Variants in PLA2G7 observed in about 807,000 individuals in gnomAD.
PLA2G7 encodes the protein platelet-activating factor acetylhydrolase.
In PLA2G7, 63 loss-of-function variants were observed where a neutral mutation model predicts 49.6. The ratio of observed to expected loss-of-function variants is 1.27; its 90% CI spans 1.04 to 1.57. PLA2G7 has a LOEUF of 1.57. PLA2G7 is among the 40% of genes most tolerant of loss of function. PLA2G7 has a pLI of 0.00. For missense variants in PLA2G7, 596 were observed against 521.2 expected, an observed-to-expected ratio of 1.14 and a Z score of -1.40; for synonymous variants, 193 against 169.9, an observed-to-expected ratio of 1.14 and a Z score of -1.06.
chr6:46,707,969 G>T lies in PLA2G7; in HGVS notation c.1040+22C>A. 3 of 1,452,472 alleles carry T rather than the reference G, an allele frequency of 2.1e-6. No individual in the cohort carries two copies. In the South Asian group the frequency reaches 3.5e-5, roughly 17 times the overall value. 90.0% of individuals were successfully genotyped at this position (1,452,472 alleles called of 1,614,324 possible). ...AAGCTTCAAGTTTGTTTCACATAAT[G>T]AAATAAGTCACTAATACTTACCTGA... On this transcript the variant is annotated intron_variant, in intron 10 of 11. Transcript: ENST00000274793.
intron 1 of PLA2G7, among the ~76,000 whole-genome samples, chr6:46,727,841 A>T (rs1464968559): frequency 6.6e-6 from 1 of 152,216 alleles, no homozygotes; most frequent in South Asian, 2.1e-4. Context: ...AAGGAGACAG[A>T]TTCTCTCTAG....
intron 1 of PLA2G7, among the ~76,000 whole-genome samples, chr6:46,734,424 G>C (rs1222720766): frequency 1.5e-4 from 1 of 6,628 alleles, no homozygotes; most frequent in African/African-American, 9.2e-4. Flanking sequence ...GTGAGAGAGA[G>C]AGAGAGAGAG....
In PLA2G7 at chr6:46,722,009, A is replaced by T. The variant is rs552139203; in HGVS notation, c.109+774T>A. 2.0e-4 allele frequency among the ~76,000 whole-genome samples: 30 copies of T among 152,272 alleles called. No individual in the cohort carries two copies. In the South Asian group the frequency reaches 2.5e-3, roughly 13 times the overall value. On this transcript the variant is annotated intron_variant, in intron 2 of 11. Transcript: ENST00000274793. Reference sequence around the variant, plus strand: ...CTCTCCATAGGAGACTGGAAAGAGAAGTTTATGCATCACAATCCTCTGGGA... The same window carrying T: ...CTCTCCATAGGAGACTGGAAAGAGATGTTTATGCATCACAATCCTCTGGGA...
chr6:46,707,736 C>T (rs1764873733), intron 10 of PLA2G7, among the ~76,000 whole-genome samples: 2 of 152,142 alleles, frequency 1.3e-5, no homozygotes, highest in Non-Finnish European at 2.9e-5. Context: ...ATAAATTACC[C>T]AGTCTCAGGT....
chr6:46,710,633 G>T lies in PLA2G7; in HGVS notation c.689C>A (p.Ser230Tyr), dbSNP rs201934571. The T allele has an allele frequency of 3.9e-5, 63 of 1,612,862 alleles. No individual in the cohort carries two copies. The highest frequency in any genetic ancestry group is 5.3e-5 in the Non-Finnish European group (62 of 1,179,004). Residue 230 changes from serine to tyrosine, a missense_variant, in exon 8 of 12, where the codon TCC (serine) becomes TAC (tyrosine). Ser to Tyr is a moderately radical substitution (Grantham distance 144). Coordinates refer to ENST00000274793, the MANE Select transcript of PLA2G7 (RefSeq NM_005084.4). The part of the protein sequence containing the change: ...EQVRQRAKEC[S>Y]QALSLILDID... ...GTCAAGAATCAGACTGAGAGCTTGG[G>T]AACATTCTTTTGCTCTTTGCCGTAC...
At chr6:46,722,013 T>G (rs1230630430) in intron 2 of PLA2G7, among the ~76,000 whole-genome samples, 1 of 152,156 alleles carries the variant, frequency 6.6e-6, no homozygotes, top group African/African-American at 2.4e-5. Flanking sequence ...AAGAGAAGTT[T>G]ATGCATCACA....
intron 9 of PLA2G7, among the ~76,000 whole-genome samples, chr6:46,708,972 C>T (rs774922245): frequency 4.6e-5 from 7 of 152,112 alleles, no homozygotes; most frequent in Non-Finnish European, 1.0e-4. Context: ...TAAAAAATGT[C>T]CTGCCCACTG....
At chr6:46,709,130 G>T (rs763445805) in intron 9 of PLA2G7, among the ~76,000 whole-genome samples, 197 bp downstream of exon 9, 1 of 152,138 alleles carries the variant, frequency 6.6e-6, no homozygotes, top group Non-Finnish European at 1.5e-5. Context: ...GGAGTAGGGG[G>T]AGATTTTAAT....
intron 1 of PLA2G7, among the ~76,000 whole-genome samples, chr6:46,729,881 C>T (rs1173979925): frequency 6.6e-6 from 1 of 152,238 alleles, no homozygotes; most frequent in South Asian, 2.1e-4. Context: ...TGCTCTCAAG[C>T]TGTACATTGA....
At chr6:46,734,460 G>C (rs11759463) in intron 1 of PLA2G7, among the ~76,000 whole-genome samples, 18 of 130,164 alleles carry the variant, frequency 1.4e-4, no homozygotes, top group South Asian at 8.0e-4. Context: ...GAGAGAGAGA[G>C]AGAGAGAGAG....
intron 2 of PLA2G7, among the ~76,000 whole-genome samples, chr6:46,717,720 T>C (rs1329729871): frequency 6.7e-6 from 1 of 148,542 alleles, no homozygotes; most frequent in East Asian, 2.0e-4. Flanking sequence ...TTTTTCTTTT[T>C]TTTTTTTTTT....
intron 1 of PLA2G7, among the ~76,000 whole-genome samples, chr6:46,732,403 C>CT (rs1470282493): frequency 2.7e-4 from 40 of 147,514 alleles, no homozygotes; most frequent in African/African-American, 1.0e-3. Flanking sequence ...ACACACACAC[C>CT]ACTATACTGC....
At chr6:46,720,920 T>A (rs1459036957) in intron 2 of PLA2G7, among the ~76,000 whole-genome samples, 3 of 152,218 alleles carry the variant, frequency 2.0e-5, no homozygotes, top group Admixed American at 2.0e-4. Context: ...CCTACAAACC[T>A]TTTAACCTGC....
chr6:46,733,645 G>A lies in PLA2G7; in HGVS notation c.-35+1535C>T, dbSNP rs373760619. On this transcript the variant is annotated intron_variant, in intron 1 of 11. Coordinates refer to ENST00000274793, the MANE Select transcript of PLA2G7 (RefSeq NM_005084.4). Reference sequence around the variant, plus strand: ...CTGCTGGAAAATGCCAAGGTGGTGCGCTGTCTCACCACTTTCTGCAGGGCC... The same window carrying A: ...CTGCTGGAAAATGCCAAGGTGGTGCACTGTCTCACCACTTTCTGCAGGGCC... Among the ~76,000 whole-genome samples the A allele has an allele frequency of 4.6e-5, 7 of 152,338 alleles. No homozygotes were observed. In the East Asian group the frequency reaches 5.8e-4, roughly 13 times the overall value.
At chr6:46,718,062 A>G (rs1210524637) in intron 2 of PLA2G7, among the ~76,000 whole-genome samples, 2 of 152,092 alleles carry the variant, frequency 1.3e-5, no homozygotes, top group African/African-American at 2.4e-5. Context: ...AATGATCTCC[A>G]CAATATATCG....
intron 1 of PLA2G7, among the ~76,000 whole-genome samples, chr6:46,725,452 G>T (rs896077930): frequency 5.3e-4 from 81 of 152,092 alleles, no homozygotes; most frequent in Non-Finnish European, 8.5e-4. Flanking sequence ...GGATGGTCTT[G>T]ATCTCCTGAC....
chr6:46,717,700 TTC>T (rs1322586704), intron 2 of PLA2G7, among the ~76,000 whole-genome samples: 1 of 104,630 alleles, frequency 9.6e-6, no homozygotes, highest in East Asian at 2.9e-4. Flanking sequence ...TCTATTTTCT[TTC>T]TTTTTTCTTT....
At chr6:46,723,023 G>GA (rs926500676) in intron 1 of PLA2G7, 98 bp from the exon 2 acceptor site, 1 of 680,072 alleles carries the variant, frequency 1.5e-6, no homozygotes, top group Admixed American at 2.2e-5. Context: ...GTAACACTTG[G>GA]AAAAAATAAA....
intron 9 of PLA2G7, among the ~76,000 whole-genome samples, chr6:46,708,575 C>T (rs745549093): frequency 1.3e-5 from 2 of 152,020 alleles, no homozygotes; most frequent in Non-Finnish European, 2.9e-5. Context: ...CAATTGGGCC[C>T]ATTACTTTAT....
Sources: gnomAD v4.1 joint callset for allele counts (sites outside exome capture counted in the v4.1 genomes callset) on GRCh38, gnomAD v4.1.1 for gene constraint, MANE v1.5 for transcripts, NCBI Gene and HGNC (gene_info 2026-07-23, HGNC 2026-07-21) for gene names.